EML4: variants seen among roughly 807,000 people sequenced by gnomAD.
The protein encoded by EML4 is EMAP like 4.
A neutral mutation model predicts 129.0 loss-of-function variants in EML4; 72 were observed. The observed-to-expected ratio is 0.56, with a 90% CI of 0.46 to 0.68. EML4 has a LOEUF of 0.68. Among genes scored for constraint, EML4 ranks in the 30% least tolerant of loss-of-function variants. The pLI is 0.00. For synonymous variants in EML4, 532 were observed against 405.0 expected (o/e 1.31, Z -3.77); for missense variants, 1,363 against 1,190.6 (o/e 1.14, Z -2.13).
intron 17 of EML4, among the ~76,000 whole-genome samples, chr2:42,308,854 T>C (rs1668767711): frequency 6.6e-6 from 1 of 152,204 alleles, no homozygotes. Flanking sequence ...TGAAGTTTTG[T>C]GATGAGCTTC....
In EML4 at chr2:42,260,257, T is replaced by C. The variant is rs1665644679; in HGVS notation, c.339-864T>C. The stretch of plus-strand genomic sequence containing the variant: ...ATCTCCGCTCACTGCAAACTCCGCC[T>C]CCCTGGCTCAAGTGATTCTCCTGCC... On this transcript the variant is annotated intron_variant, in intron 3 of 22. Coordinates refer to ENST00000318522, the MANE Select transcript of EML4 (RefSeq NM_019063.5). Among the ~76,000 whole-genome samples, 5 of 152,252 alleles carry C rather than the reference T, an allele frequency of 3.3e-5. No individual in the cohort carries two copies. The South Asian group carries it at 1.0e-3, about 32-fold the overall frequency.
chr2:42,326,367 A>G (rs1002569766), intron 21 of EML4, 115 bp downstream of exon 21: 6 of 675,676 alleles, frequency 8.9e-6, no homozygotes, highest in African/African-American at 5.5e-5. Context: ...CTTTATCACT[A>G]TTAATGTCAG....
intron 1 of EML4, among the ~76,000 whole-genome samples, chr2:42,186,657 G>T (rs753664962): frequency 6.6e-6 from 1 of 152,004 alleles, no homozygotes; most frequent in Non-Finnish European, 1.5e-5. Flanking sequence ...GGATTTGTCT[G>T]GCATTTTCAT....
At chr2:42,304,895 GA>G (rs1346090927) in intron 17 of EML4, among the ~76,000 whole-genome samples, 2 of 152,142 alleles carry the variant, frequency 1.3e-5, no homozygotes, top group Non-Finnish European at 2.9e-5. Flanking sequence ...AAGGTGGGCG[GA>G]TCACCTGAGG....
At chr2:42,283,335 C>G (rs1008038283) in intron 8 of EML4, among the ~76,000 whole-genome samples, 1 of 151,998 alleles carries the variant, frequency 6.6e-6, no homozygotes. Context: ...GAGGATTTGT[C>G]CTATGTAGAT....
chr2:42,323,989 AAAG>A (rs1669659371), intron 19 of EML4, among the ~76,000 whole-genome samples: 1 of 150,220 alleles, frequency 6.7e-6, no homozygotes, highest in African/African-American at 2.4e-5. Flanking sequence ...TAGAGGAAGA[AAAG>A]AATAGGTGAA....
At chr2:42,221,272 G>T (rs1031081301) in intron 1 of EML4, among the ~76,000 whole-genome samples, 1 of 152,094 alleles carries the variant, frequency 6.6e-6, no homozygotes, top group Non-Finnish European at 1.5e-5. Context: ...ATGACTTTAA[G>T]TTGAAGCCAG....
rs147556847 is a variant in EML4 at position 42,196,906 on chromosome 2, A to G, written c.25+27270A>G. On this transcript the variant is annotated intron_variant, in intron 1 of 22. Coordinates refer to ENST00000318522, the MANE Select transcript of EML4 (RefSeq NM_019063.5). ...AAAGAGAAGGGAAGTCTCATTCTTT[A>G]TAATGGGAGATTAGTGTAAGAGTGC... 1.4e-3 allele frequency among the ~76,000 whole-genome samples: 211 copies of G among 152,278 alleles called. 4 individuals carry two copies. The East Asian group carries it at 0.038, about 27-fold the overall frequency.
chr2:42,291,398 CTTTTTTTT>C (rs5830720), intron 11 of EML4, among the ~76,000 whole-genome samples: 1 of 123,140 alleles, frequency 8.1e-6, no homozygotes, highest in African/African-American at 3.2e-5. Context: ...ATCAAGACAC[CTTTTTTTT>C]TTTTTTTTTT....
rs1005457197 is a variant in EML4, at chr2:42,234,184, A to G, written c.26-11321A>G. On this transcript the variant is annotated intron_variant, in intron 1 of 22. Transcript: ENST00000318522. ...GAACACTTTCTTTAGTTCAGAGAGCAAAAGGGCAGGAGAAGAGCTATCTTA... is the reference window on the plus strand; with the variant it reads ...GAACACTTTCTTTAGTTCAGAGAGCGAAAGGGCAGGAGAAGAGCTATCTTA... Among the ~76,000 whole-genome samples, 23 of 152,364 alleles carry G rather than the reference A, an allele frequency of 1.5e-4. 1 individual carries two copies. The highest frequency in any genetic ancestry group is 5.3e-4 in the African/African-American group (22 of 41,586).
At chr2:42,188,218 C>G (rs1671376403) in intron 1 of EML4, among the ~76,000 whole-genome samples, 1 of 152,024 alleles carries the variant, frequency 6.6e-6, no homozygotes, top group African/African-American at 2.4e-5. Flanking sequence ...ACCACCTTGT[C>G]TTAATTACTA....
intron 1 of EML4, among the ~76,000 whole-genome samples, chr2:42,245,000 T>C (rs1399945709): frequency 6.6e-6 from 1 of 151,952 alleles, no homozygotes; most frequent in African/African-American, 2.4e-5. Flanking sequence ...TATTAACTTA[T>C]TTTAAATTAA....
Position 42,224,205 on chromosome 2 carries a change from C to G in EML4, c.26-21300C>G, listed in dbSNP as rs13420515. The stretch of plus-strand genomic sequence containing the variant: ...ATCCTGTATCCTTTAGCAGTCACTT[C>G]CTGTTTCTCCCAATCCCTATAGTTT... On this transcript the variant is annotated intron_variant, in intron 1 of 22. Coordinates refer to ENST00000318522, the MANE Select transcript of EML4 (RefSeq NM_019063.5). Among the ~76,000 whole-genome samples, 157 of 152,246 alleles carry G rather than the reference C, an allele frequency of 1.0e-3. 1 individual carries two copies. Among genetic ancestry groups the G allele is most frequent in the African/African-American group, 3.6e-3 (150 of 41,564 alleles).
At chr2:42,213,700 A>G (rs1217637123) in intron 1 of EML4, among the ~76,000 whole-genome samples, 1 of 152,196 alleles carries the variant, frequency 6.6e-6, no homozygotes, top group African/African-American at 2.4e-5. Context: ...AACAAGAATA[A>G]TTTTCTAATG....
At chr2:42,209,181 A>G (rs1672736989) in intron 1 of EML4, among the ~76,000 whole-genome samples, 2 of 152,242 alleles carry the variant, frequency 1.3e-5, no homozygotes, top group South Asian at 2.1e-4. Context: ...TCAAGGCCCT[A>G]TATAGCTAAA....
chr2:42,323,411 T>C (rs1041143000), intron 19 of EML4, among the ~76,000 whole-genome samples: 4 of 152,218 alleles, frequency 2.6e-5, no homozygotes, highest in African/African-American at 9.6e-5. Context: ...TGTTTTCCAA[T>C]ATACCGCTTA....
At chr2:42,197,157 G>T (rs1012433497) in intron 1 of EML4, among the ~76,000 whole-genome samples, 1 of 152,084 alleles carries the variant, frequency 6.6e-6, no homozygotes, top group Non-Finnish European at 1.5e-5. Flanking sequence ...TGACCTCCCA[G>T]GATCAGGTGA....
chr2:42,251,971 A>G (rs911176976), intron 2 of EML4, among the ~76,000 whole-genome samples: 2 of 152,266 alleles, frequency 1.3e-5, no homozygotes, highest in African/African-American at 4.8e-5. Context: ...AACAATTTCA[A>G]TTTACAAATC....
At chr2:42,169,675 G>A (rs755430479) in intron 1 of EML4, 39 bp downstream of exon 1, 2 of 1,592,142 alleles carry the variant, frequency 1.3e-6, no homozygotes, top group Non-Finnish European at 8.6e-7. Flanking sequence ...TCTGCGAAGG[G>A]TAGGAACTTT....
Sources: allele counts gnomAD v4.1 joint callset (sites outside exome capture counted in the v4.1 genomes callset), GRCh38; gene constraint gnomAD v4.1.1; transcripts MANE v1.5; gene names NCBI Gene and HGNC (gene_info 2026-07-23, HGNC 2026-07-21).